Variants in FER1L6 observed in about 807,000 individuals in gnomAD.
FER1L6 encodes fer-1-like protein 6.
FER1L6 carries 177 observed loss-of-function variants against 219.2 expected under a neutral mutation model. That is an observed-to-expected ratio of 0.81 (90% CI 0.71 to 0.91). FER1L6 has a LOEUF of 0.91. Among genes scored for constraint, FER1L6 ranks in the 40% least tolerant of loss-of-function variants. The pLI, the probability that FER1L6 is intolerant of heterozygous loss-of-function variation, is 0.00. For synonymous variants in FER1L6, 768 were observed against 824.3 expected, an observed-to-expected ratio of 0.93 and a Z score of 1.17; for missense variants, 2,153 against 2,259.9, an observed-to-expected ratio of 0.95 and a Z score of 0.96.
At chr8:124,044,532 T>G (rs1239217668) in intron 20 of FER1L6, among the ~76,000 whole-genome samples, 1 of 152,154 alleles carries the variant, frequency 6.6e-6, no homozygotes, top group African/African-American at 2.4e-5. Context: ...TGATACGAGT[T>G]TTGGAGTCCA....
intron 39 of FER1L6, among the ~76,000 whole-genome samples, chr8:124,104,242 G>C (rs1822668291): frequency 6.6e-6 from 1 of 152,210 alleles, no homozygotes; most frequent in Non-Finnish European, 1.5e-5. Flanking sequence ...TAGTTAATGA[G>C]GGTTTACTAC....
intron 15 of FER1L6, among the ~76,000 whole-genome samples, chr8:124,015,481 C>T (rs371396647): frequency 2.7e-4 from 41 of 150,190 alleles, no homozygotes; most frequent in East Asian, 1.6e-3. Context: ...AGTTCTGCCT[C>T]CCCAGTCTCT....
intron 25 of FER1L6, 34 bp from the exon 26 acceptor site, chr8:124,064,313 C>A: frequency 6.3e-7 from 1 of 1,579,082 alleles, no homozygotes; most frequent in Non-Finnish European, 8.7e-7. Flanking sequence ...TGTGATGCAG[C>A]CCAGCTCCCT....
At chr8:123,959,692 G>A (rs1740011465) in intron 2 of FER1L6, among the ~76,000 whole-genome samples, 1 of 152,178 alleles carries the variant, frequency 6.6e-6, no homozygotes, top group Non-Finnish European at 1.5e-5. Flanking sequence ...AGGTACCTTA[G>A]AAAGCATTAA....
At chr8:123,893,752 A>G (rs971035321) in intron 1 of FER1L6, among the ~76,000 whole-genome samples, 1 of 152,190 alleles carries the variant, frequency 6.6e-6, no homozygotes, top group African/African-American at 2.4e-5. Context: ...TACATGGACA[A>G]TGATTCTTGC....
intron 1 of FER1L6, among the ~76,000 whole-genome samples, chr8:123,931,760 A>G (rs1372091967): frequency 6.6e-6 from 1 of 152,180 alleles, no homozygotes; most frequent in East Asian, 1.9e-4. Flanking sequence ...TTTTGTTGCA[A>G]ATATTAAAAT....
At chr8:124,114,085 C>T (rs1823131503) in intron 39 of FER1L6, among the ~76,000 whole-genome samples, 1 of 152,160 alleles carries the variant, frequency 6.6e-6, no homozygotes, top group South Asian at 2.1e-4. Context: ...TCTAACCCTT[C>T]CTTACATCTG....
intron 19 of FER1L6, chr8:124,036,083 T>A (rs909849572): frequency 6.6e-6 from 1 of 152,256 alleles, no homozygotes; most frequent in African/African-American, 2.4e-5. Context: ...TGCTTCCAAA[T>A]TACTTCCATT....
At chr8:123,929,967 T>TTG (rs959493545) in intron 1 of FER1L6, among the ~76,000 whole-genome samples, 1 of 43,346 alleles carries the variant, frequency 2.3e-5, no homozygotes, top group African/African-American at 8.9e-5. Flanking sequence ...GATGGCACTG[T>TTG]TTTTTTTTTT....
At chr8:123,914,298 A>G (rs1813124550) in intron 1 of FER1L6, among the ~76,000 whole-genome samples, 1 of 152,182 alleles carries the variant, frequency 6.6e-6, no homozygotes, top group Non-Finnish European at 1.5e-5. Context: ...GGTCTCTTCT[A>G]ATGATGTTTT....
chr8:123,977,117 C>T (rs989669189), intron 9 of FER1L6, among the ~76,000 whole-genome samples: 1 of 152,184 alleles, frequency 6.6e-6, no homozygotes, highest in Non-Finnish European at 1.5e-5. Context: ...AAAATATGAG[C>T]TCATGGTCTA....
intron 37 of FER1L6, among the ~76,000 whole-genome samples, chr8:124,100,535 C>A (rs1304174743): frequency 1.3e-5 from 2 of 152,086 alleles, no homozygotes; most frequent in South Asian, 4.1e-4. Flanking sequence ...TGCAGGCAGC[C>A]CTCCCACCCT....
chr8:123,959,233 G>A (rs750535589), intron 2 of FER1L6, among the ~76,000 whole-genome samples: 1 of 152,164 alleles, frequency 6.6e-6, no homozygotes, highest in Non-Finnish European at 1.5e-5. Flanking sequence ...CCTACAGAAT[G>A]TACAGAATGA....
At chr8:124,038,810 TA>T in intron 19 of FER1L6, among the ~76,000 whole-genome samples, 1 of 152,262 alleles carries the variant, frequency 6.6e-6, no homozygotes, top group South Asian at 2.1e-4. Context: ...TTAATTTAAC[TA>T]AGTAGCGTTA....
intron 1 of FER1L6, among the ~76,000 whole-genome samples, chr8:123,951,191 G>A (rs376770390): frequency 6.6e-6 from 1 of 152,024 alleles, no homozygotes; most frequent in Admixed American, 6.6e-5. Context: ...GAATCACCAG[G>A]GGAGCTCAAA....
chr8:124,086,376 G>T (rs1586315587), intron 33 of FER1L6, among the ~76,000 whole-genome samples: 1 of 148,762 alleles, frequency 6.7e-6, no homozygotes, highest in African/African-American at 2.5e-5. Context: ...GTTTTTATTT[G>T]AAGTTACCAT....
chr8:123,941,823 G>A (rs545347607), intron 1 of FER1L6, among the ~76,000 whole-genome samples: 1 of 152,176 alleles, frequency 6.6e-6, no homozygotes, highest in Admixed American at 6.5e-5. Flanking sequence ...GACGAGGGAA[G>A]GAGGCTTGGC....
At chr8:123,883,231 G>A (rs551051846) in intron 1 of FER1L6, among the ~76,000 whole-genome samples, 8 of 152,306 alleles carry the variant, frequency 5.3e-5, no homozygotes, top group African/African-American at 1.7e-4. Context: ...CTGTGCTGTG[G>A]CATTTGCATT....
At chr8:123,868,532 C>T (rs1395815799) in intron 1 of FER1L6, among the ~76,000 whole-genome samples, 2 of 151,994 alleles carry the variant, frequency 1.3e-5, no homozygotes, top group African/African-American at 2.4e-5. Flanking sequence ...TTCTAAAGTA[C>T]AAGTTGTTTT....
Sources: allele counts gnomAD v4.1 joint callset (sites outside exome capture counted in the v4.1 genomes callset), GRCh38; gene constraint gnomAD v4.1.1; transcripts MANE v1.5; gene names NCBI Gene and HGNC (gene_info 2026-07-23, HGNC 2026-07-21).